The following NHSL2 variants were observed in gnomAD, a reference collection of about 807,000 sequenced individuals.
NHSL2 encodes NHS-like protein 2.
Under a neutral mutation model 53.4 loss-of-function variants are expected in NHSL2, and 27 were observed. The observed-to-expected ratio is 0.51, with a 90% confidence interval of 0.37 to 0.70. The LOEUF is 0.70. Ranked by LOEUF, NHSL2 falls within the 30% of genes least tolerant of loss-of-function variation. The pLI is 0.00. For synonymous variants in NHSL2, 408 were observed against 404.1 expected (o/e 1.01, Z -0.12); for missense variants, 892 against 980.1 (o/e 0.91, Z 1.20).
intron 1 of NHSL2, chrX:72,131,141 G>A: frequency 8.4e-7 from 1 of 1,191,060 alleles, no homozygotes; most frequent in Non-Finnish European, 1.1e-6. Flanking sequence ...TTTGACGCGG[G>A]CGGAGGCAGC....
chrX:72,005,141 A>G (rs1383996496), intron 1 of NHSL2, among the ~76,000 whole-genome samples: 2 of 112,145 alleles, frequency 1.8e-5, no homozygotes, highest in Non-Finnish European at 3.8e-5. Context: ...TTTTTAAACA[A>G]CTTTTGTAGA....
At chrX:71,985,830 A>G (rs954404427) in intron 1 of NHSL2, among the ~76,000 whole-genome samples, 6 of 111,906 alleles carry the variant, frequency 5.4e-5, no homozygotes, top group Non-Finnish European at 7.5e-5. Flanking sequence ...CTCCAAAGTT[A>G]TTAGAAACCT....
chrX:72,007,416 G>A (rs1041034140), intron 1 of NHSL2, among the ~76,000 whole-genome samples: 8 of 112,530 alleles, frequency 7.1e-5, no homozygotes, highest in Non-Finnish European at 1.5e-4. Flanking sequence ...ACCCGGGGAT[G>A]CCCTTTTAAT....
chrX:72,084,070 T>A (rs751201094), intron 1 of NHSL2, among the ~76,000 whole-genome samples: 1 of 112,150 alleles, frequency 8.9e-6, no homozygotes, highest in East Asian at 2.8e-4. Flanking sequence ...TTCCTTCAAA[T>A]CCCCCAGGTT....
intron 1 of NHSL2, among the ~76,000 whole-genome samples, chrX:72,075,901 AGTGTGTGTGTGT>A (rs10637913): frequency 4.3e-5 from 4 of 93,395 alleles, no homozygotes; most frequent in African/African-American, 1.6e-4. Flanking sequence ...GGGGGAGCAC[AGTGTGTGTGTGT>A]GTGTGTGTGT....
chrX:72,017,244 G>C (rs1203435236), intron 1 of NHSL2, among the ~76,000 whole-genome samples: 2 of 112,580 alleles, frequency 1.8e-5, no homozygotes, highest in African/African-American at 6.5e-5. Flanking sequence ...GTCCACTGCT[G>C]ACATAATACT....
chrX:72,112,496 T>G (rs1484270112), intron 1 of NHSL2, among the ~76,000 whole-genome samples: 2 of 111,830 alleles, frequency 1.8e-5, no homozygotes, highest in East Asian at 2.8e-4. Context: ...AGCAGTCACT[T>G]TCCACTTTTG....
At chrX:71,927,643 G>A (rs1332527706) in intron 1 of NHSL2, among the ~76,000 whole-genome samples, 3 of 110,151 alleles carry the variant, frequency 2.7e-5, no homozygotes, top group Non-Finnish European at 5.7e-5. Context: ...TGCAACCTCC[G>A]CCTGCTAGGT....
At chrX:72,129,862 T>A (rs1373883454) in intron 1 of NHSL2, 1 of 1,202,216 alleles carries the variant, frequency 8.3e-7, no homozygotes, top group Admixed American at 2.2e-5. Context: ...AGCAGCTCGG[T>A]GGCCCCCCTG....
At chrX:71,943,628 TTTTTGTGTTTC>T (rs770732145) in intron 1 of NHSL2, among the ~76,000 whole-genome samples, 1 of 112,748 alleles carries the variant, frequency 8.9e-6, no homozygotes, top group East Asian at 2.8e-4. Context: ...CGTATATTGC[TTTTTGTGTTTC>T]ATTTGTGTCT....
intron 1 of NHSL2, among the ~76,000 whole-genome samples, chrX:72,089,214 C>T (rs1418269350): frequency 9.3e-6 from 1 of 107,258 alleles, no homozygotes; most frequent in Non-Finnish European, 1.9e-5. Flanking sequence ...CAATACTTGC[C>T]TTGCCTACCT....
intron 1 of NHSL2, among the ~76,000 whole-genome samples, chrX:72,110,833 A>G (rs768850782): frequency 1.3e-4 from 14 of 107,380 alleles, no homozygotes; most frequent in Non-Finnish European, 2.7e-4. Flanking sequence ...ACACACGGCC[A>G]CCACAGTCCC....
chrX:71,990,161 T>G (rs767229131), intron 1 of NHSL2, among the ~76,000 whole-genome samples: 1 of 111,950 alleles, frequency 8.9e-6, no homozygotes, highest in South Asian at 3.7e-4. Flanking sequence ...TTTATTTGAT[T>G]AGTGCTTGTT....
intron 1 of NHSL2, among the ~76,000 whole-genome samples, chrX:72,041,284 C>T (rs773097517): frequency 2.7e-5 from 3 of 111,674 alleles, no homozygotes; most frequent in East Asian, 2.8e-4. Flanking sequence ...AAGATCCACA[C>T]GAACATTATC....
chrX:72,142,081 A>G, intron 6 of NHSL2, 151 bp from the exon 7 acceptor site: 1 of 428,719 alleles, frequency 2.3e-6, no homozygotes, highest in Non-Finnish European at 4.0e-6. Context: ...TCTGAACTTC[A>G]TATTCCTCCT....
chrX:71,927,726 T>G (rs1169881015), intron 1 of NHSL2, among the ~76,000 whole-genome samples: 1 of 110,210 alleles, frequency 9.1e-6, no homozygotes, highest in Non-Finnish European at 1.9e-5. Context: ...TGGCTAATTT[T>G]TTTACTTTTT....
At chrX:72,062,137 A>C (rs1362451402) in intron 1 of NHSL2, among the ~76,000 whole-genome samples, 1 of 112,385 alleles carries the variant, frequency 8.9e-6, no homozygotes, top group Non-Finnish European at 1.9e-5. Flanking sequence ...TTGAGAACAA[A>C]GCCTGAAAGA....
intron 2 of NHSL2, 91 bp downstream of exon 2, chrX:72,132,325 G>A: frequency 1.2e-6 from 1 of 830,577 alleles, no homozygotes. Context: ...ACAGGGACCA[G>A]CAAGATAAAG....
chrX:71,968,479 G>A (rs1469506459), intron 1 of NHSL2, among the ~76,000 whole-genome samples: 2 of 111,992 alleles, frequency 1.8e-5, no homozygotes, highest in Non-Finnish European at 3.8e-5. Context: ...TTTATGTAAT[G>A]TGAGCTCTTT....
Sources: gnomAD v4.1 joint callset for allele counts (sites outside exome capture counted in the v4.1 genomes callset) on GRCh38, gnomAD v4.1.1 for gene constraint, MANE v1.5 for transcripts, NCBI Gene and HGNC (gene_info 2026-07-23, HGNC 2026-07-21) for gene names.